The following MTUS2 variants were observed in gnomAD, a reference collection of about 807,000 sequenced individuals.
The protein encoded by MTUS2 is microtubule-associated tumor suppressor candidate 2.
MTUS2 carries 40 observed loss-of-function variants against 114.1 expected under a neutral mutation model. The observed-to-expected ratio is 0.35, with a 90% CI of 0.27 to 0.46. The LOEUF (loss-of-function observed/expected upper bound fraction) is 0.46. MTUS2 is among the 20% of genes least tolerant of loss of function. MTUS2 has a pLI of 1.00. For missense variants in MTUS2, 1,679 were observed against 1,705.4 expected (o/e 0.98, Z 0.27); for synonymous variants, 688 against 672.0 (o/e 1.02, Z -0.37).
intron 2 of MTUS2, among the ~76,000 whole-genome samples, chr13:29,023,232 T>C (rs746638984): frequency 2.0e-5 from 3 of 152,140 alleles, no homozygotes; most frequent in Non-Finnish European, 2.9e-5. Flanking sequence ...ATGAGGCCAA[T>C]GTGGCTGCAG....
Position 28,829,305 on chromosome 13 carries a change from C to T in MTUS2, c.-316+8694C>T, listed in dbSNP as rs529915030. On this transcript the variant is annotated intron_variant, in intron 1 of 15. Coordinates refer to ENST00000612955, the MANE Select transcript of MTUS2 (RefSeq NM_001033602.4). ...CTTAGAGAGGCTGAGACAGGTGGGT[C>T]ACCTGAGGTCAGGAGTTTGAGACCA... Among the ~76,000 whole-genome samples, 12 of 152,114 alleles carry T rather than the reference C, an allele frequency of 7.9e-5. No homozygotes were observed. In the East Asian group the frequency reaches 2.3e-3, roughly 29 times the overall value.
chr13:28,996,659 C>T (rs930515533), intron 2 of MTUS2, among the ~76,000 whole-genome samples: 1 of 152,162 alleles, frequency 6.6e-6, no homozygotes, highest in Non-Finnish European at 1.5e-5. Flanking sequence ...TTATCCATTT[C>T]TTCTAGATTT....
chr13:29,214,031 CT>C (rs1895570738), intron 5 of MTUS2, among the ~76,000 whole-genome samples: 1 of 151,772 alleles, frequency 6.6e-6, no homozygotes, highest in South Asian at 2.1e-4. Flanking sequence ...TGTTTTTATC[CT>C]TTAACTTTCT....
intron 4 of MTUS2, among the ~76,000 whole-genome samples, chr13:29,099,993 A>T (rs1273112005): frequency 2.0e-5 from 3 of 152,194 alleles, no homozygotes. Flanking sequence ...CATATCTGGG[A>T]ACTAATTCTG....
chr13:29,407,241 A>C (rs1269391316), intron 8 of MTUS2, among the ~76,000 whole-genome samples: 1 of 152,096 alleles, frequency 6.6e-6, no homozygotes, highest in African/African-American at 2.4e-5. Flanking sequence ...GCGAGACTGC[A>C]TCTCAAAAAT....
intron 1 of MTUS2, among the ~76,000 whole-genome samples, chr13:28,827,989 C>G (rs2137937953): frequency 6.6e-6 from 1 of 152,256 alleles, no homozygotes; most frequent in South Asian, 2.1e-4. Context: ...GACAACTAGT[C>G]TGACCAAAAT....
At chr13:29,161,971 C>A (rs1323535155) in intron 5 of MTUS2, among the ~76,000 whole-genome samples, 1 of 152,218 alleles carries the variant, frequency 6.6e-6, no homozygotes. Context: ...ATATTTCCAG[C>A]TCACTCCTTT....
At chr13:29,387,487 A>G (rs1195429046) in intron 8 of MTUS2, among the ~76,000 whole-genome samples, 7 of 152,186 alleles carry the variant, frequency 4.6e-5, no homozygotes, top group Admixed American at 2.6e-4. Context: ...AAGCCAGTTA[A>G]GCTGTGGGGC....
At chr13:28,935,798 G>A (rs537497742) in intron 2 of MTUS2, among the ~76,000 whole-genome samples, 5 of 151,914 alleles carry the variant, frequency 3.3e-5, no homozygotes, top group African/African-American at 4.8e-5. Flanking sequence ...TGGGTTGCCC[G>A]AGTGCAGTGG....
intron 5 of MTUS2, among the ~76,000 whole-genome samples, chr13:29,127,730 G>T (rs183929855): frequency 2.6e-5 from 4 of 152,342 alleles, no homozygotes; most frequent in Admixed American, 6.5e-5. Flanking sequence ...GCTGCACCGG[G>T]CCCCGCTTGC....
Position 29,016,341 on chromosome 13 carries a change from C to T in MTUS2, c.-242-8116C>T, listed in dbSNP as rs1886065838. On this transcript the variant is annotated intron_variant, in intron 2 of 15. Transcript: ENST00000612955. ...CTTTATTTTCTGGGTGGAATTCTCC[C>T]CTGGAAAGGACTTTTTTTTTTTTTT... 4.0e-5 allele frequency among the ~76,000 whole-genome samples: 6 copies of T among 151,418 alleles called. No individual in the cohort carries two copies. In the South Asian group the frequency reaches 1.3e-3, roughly 32 times the overall value.
At chr13:28,959,046 G>T (rs183471394) in intron 2 of MTUS2, among the ~76,000 whole-genome samples, 34 of 152,272 alleles carry the variant, frequency 2.2e-4, no homozygotes, top group African/African-American at 7.0e-4. Flanking sequence ...CAGTGGTGGG[G>T]GTCCCTGGGC....
chr13:29,021,821 G>C (rs972484398), intron 2 of MTUS2, among the ~76,000 whole-genome samples: 1 of 152,172 alleles, frequency 6.6e-6, no homozygotes, highest in Non-Finnish European at 1.5e-5. Context: ...AAGACACAAG[G>C]GTTTGTTGAG....
At chr13:29,201,438 C>A (rs1305923638) in intron 5 of MTUS2, among the ~76,000 whole-genome samples, 1 of 152,018 alleles carries the variant, frequency 6.6e-6, no homozygotes, top group Non-Finnish European at 1.5e-5. Context: ...TACAGCACAC[C>A]AATGAGTCTT....
intron 2 of MTUS2, among the ~76,000 whole-genome samples, chr13:28,841,034 C>G (rs1875444904): frequency 6.6e-6 from 1 of 152,166 alleles, no homozygotes; most frequent in Non-Finnish European, 1.5e-5. Context: ...TATAGACCAC[C>G]ACCTGTGTGA....
rs1566168570 is a variant in MTUS2 at position 29,383,247 on chromosome 13, TG to T, written c.3117+23775del. Among the ~76,000 whole-genome samples the T allele has an allele frequency of 3.1e-3, 401 of 129,588 alleles. 1 individual carries two copies. The highest frequency in any genetic ancestry group is 7.7e-3 in the Middle Eastern group (2 of 260). The allele number at this position is 129,588 out of a possible 152,430, so 85.0% of individuals were successfully genotyped here. Reference sequence around the variant, plus strand: ...GTGTGTGTGTGTGTGTGTGTGTGTGTGTGTGTATTTATTTTTCTCATGCAGG... The same window carrying T: ...GTGTGTGTGTGTGTGTGTGTGTGTGTTGTGTATTTATTTTTCTCATGCAGG... On this transcript the variant is annotated intron_variant, in intron 8 of 15. Coordinates refer to ENST00000612955, the MANE Select transcript of MTUS2 (RefSeq NM_001033602.4).
chr13:29,030,908 A>G (rs1886785357), intron 3 of MTUS2, among the ~76,000 whole-genome samples: 2 of 152,298 alleles, frequency 1.3e-5, no homozygotes, highest in South Asian at 2.1e-4. Flanking sequence ...CAGCACAGGC[A>G]TTTAAAACTT....
chr13:29,204,365 G>T (rs903560091), intron 5 of MTUS2, among the ~76,000 whole-genome samples: 9 of 152,302 alleles, frequency 5.9e-5, no homozygotes, highest in African/African-American at 2.2e-4. Flanking sequence ...CTGCGGATGG[G>T]CCGGGGTTGC....
intron 2 of MTUS2, among the ~76,000 whole-genome samples, chr13:28,844,062 A>G (rs1300691378): frequency 1.3e-5 from 2 of 152,260 alleles, no homozygotes; most frequent in Non-Finnish European, 2.9e-5. Flanking sequence ...ATAGGTAATT[A>G]TTCAAATGTT....
Sources: allele counts gnomAD v4.1 joint callset (sites outside exome capture counted in the v4.1 genomes callset), GRCh38; gene constraint gnomAD v4.1.1; transcripts MANE v1.5; gene names NCBI Gene and HGNC (gene_info 2026-07-23, HGNC 2026-07-21).